The following RAP1GAP variants were observed in gnomAD, a reference collection of about 807,000 sequenced individuals.
RAP1GAP encodes RAP1 GTPase activating protein, also known as rap1 GTPase-activating protein 1.
In RAP1GAP, 35 loss-of-function variants were observed where a neutral mutation model predicts 87.2. The ratio of observed to expected loss-of-function variants is 0.40; its 90% CI spans 0.31 to 0.53. The LOEUF is 0.53. Ranked by LOEUF, RAP1GAP falls within the 20% of genes least tolerant of loss-of-function variation. RAP1GAP has a pLI of 0.48. For missense variants in RAP1GAP, 734 were observed against 898.9 expected, an observed-to-expected ratio of 0.82 and a Z score of 2.35; for synonymous variants, 375 against 363.9, an observed-to-expected ratio of 1.03 and a Z score of -0.35.
Position 21,668,349 on chromosome 1 carries a change from T to G in RAP1GAP, c.-149+905A>C, listed in dbSNP as rs1571604155. Among the ~76,000 whole-genome samples the G allele has an allele frequency of 6.6e-6, 1 of 152,092 alleles. No homozygotes were observed. Among genetic ancestry groups the G allele is most frequent in the East Asian group, 1.9e-4 (1 of 5,178 alleles). ...CCGCCCCAGGGGCCTGACCTCTGACTTGGCAGGGAGGGGAATGGAGCCCGG... is the reference window on the plus strand; with the variant it reads ...CCGCCCCAGGGGCCTGACCTCTGACGTGGCAGGGAGGGGAATGGAGCCCGG... On this transcript the variant is annotated intron_variant, in intron 1 of 24. Transcript: ENST00000374765. The surrounding 1 kb of genome is among the most constrained non-coding windows in gnomAD (Gnocchi z 6.2).
intron 1 of RAP1GAP, chr1:21,651,727 T>TGCACAC (rs1197000280): frequency 3.6e-6 from 4 of 1,097,024 alleles, no homozygotes; most frequent in East Asian, 3.1e-5. Flanking sequence ...CCCCCACGCG[T>TGCACAC]GCACACGCAC....
chr1:21,639,176 A>G (rs145041582), intron 2 of RAP1GAP, among the ~76,000 whole-genome samples: 2 of 152,360 alleles, frequency 1.3e-5, no homozygotes, highest in South Asian at 2.1e-4. Context: ...CGCGGGCTCC[A>G]TGCCCTGAGC....
At chr1:21,610,630 G>A (rs1029697653) in intron 13 of RAP1GAP, among the ~76,000 whole-genome samples, 6 of 152,100 alleles carry the variant, frequency 3.9e-5, no homozygotes, top group African/African-American at 7.2e-5. Context: ...TATCAAGGCC[G>A]AGAGAAGTGA....
intron 1 of RAP1GAP, among the ~76,000 whole-genome samples, chr1:21,666,618 G>C (rs2097357974): frequency 6.6e-6 from 1 of 152,172 alleles, no homozygotes; most frequent in African/African-American, 2.4e-5. Flanking sequence ...GGGAGGAAGG[G>C]GAGGCTTTGC....
intron 7 of RAP1GAP, 102 bp downstream of exon 7, chr1:21,617,204 C>T: frequency 7.4e-7 from 1 of 1,344,272 alleles, no homozygotes; most frequent in Non-Finnish European, 1.0e-6. Context: ...GGACTGTCAC[C>T]CAGCCCTGGC....
chr1:21,600,633 T>A (rs1031498633), intron 20 of RAP1GAP, among the ~76,000 whole-genome samples: 1 of 152,108 alleles, frequency 6.6e-6, no homozygotes, highest in Non-Finnish European at 1.5e-5. Context: ...ACGCCTGTAA[T>A]CCCAGCACTT....
chr1:21,618,918 T>C, intron 5 of RAP1GAP, 107 bp downstream of exon 5: 12 of 1,289,162 alleles, frequency 9.3e-6, no homozygotes, highest in Non-Finnish European at 1.3e-5. Flanking sequence ...ACTGTAAGAC[T>C]ACTTGCTGAA....
chr1:21,625,688 G>A (rs2150223080), intron 3 of RAP1GAP, among the ~76,000 whole-genome samples: 1 of 152,306 alleles, frequency 6.6e-6, no homozygotes, highest in African/African-American at 2.4e-5. Flanking sequence ...AATATTAGAG[G>A]TTATTTCTGC....
rs199613456 is a variant in RAP1GAP, at chr1:21,597,708, G to C, written c.*12C>G. 4.3e-6 allele frequency: 7 copies of C among 1,613,340 alleles called. No individual in the cohort carries two copies. Among genetic ancestry groups the C allele is most frequent in the East Asian group, 2.2e-5 (1 of 44,872 alleles). ...AACCTGCTCAGTTTCACCTTCAGAGGGGGTGGCCCGGCTAACAGCCCTGCA... is the reference window on the plus strand; with the variant it reads ...AACCTGCTCAGTTTCACCTTCAGAGCGGGTGGCCCGGCTAACAGCCCTGCA... On this transcript the variant is annotated 3_prime_UTR_variant, in exon 24 of 25. Transcript: ENST00000374765.
rs34097078 is a variant in RAP1GAP at position 21,609,391 on chromosome 1, G to GA, written c.1071+183dup. Among the ~76,000 whole-genome samples, 153 of 140,820 alleles carry GA rather than the reference G, an allele frequency of 1.1e-3. No individual in the cohort carries two copies. Among genetic ancestry groups the GA allele is most frequent in the Middle Eastern group, 3.7e-3 (1 of 272 alleles). The allele number at this position is 140,820 out of a possible 152,430, so 92.4% of individuals were successfully genotyped here. A position where few individuals can be genotyped will look rare whatever the true frequency, so the allele number is the denominator to read the frequency against. On this transcript the variant is annotated intron_variant, in intron 15 of 24. Transcript: ENST00000374765. The surrounding 1 kb of genome is among the most constrained non-coding windows in gnomAD (Gnocchi z 4.4). ...CGTGTAGTTTATCCTGTGACCTTGT[G>GA]AAAAAAAAAAAAAAGGTGTTTTCAA...
chr1:21,612,213 G>A (rs751225915), intron 10 of RAP1GAP, 104 bp from the exon 11 acceptor site: 4 of 854,502 alleles, frequency 4.7e-6, no homozygotes, highest in South Asian at 1.5e-5. Context: ...CACACGTCAC[G>A]TCATGTGATT....
chr1:21,632,623 G>T (rs1353696598), intron 2 of RAP1GAP, among the ~76,000 whole-genome samples: 1 of 152,226 alleles, frequency 6.6e-6, no homozygotes, highest in East Asian at 1.9e-4. Flanking sequence ...GGTCAGCCCA[G>T]GCTCAGTGGT....
intron 13 of RAP1GAP, 49 bp from the exon 14 acceptor site, chr1:21,610,324 G>A (rs1289152694): frequency 3.1e-6 from 5 of 1,603,080 alleles, no homozygotes; most frequent in Non-Finnish European, 4.3e-6. Context: ...GGGGGCCCAT[G>A]GGGGAGAGGG....
rs1311184708 is a variant in RAP1GAP at position 21,615,593 on chromosome 1, T to C, written c.292-1504A>G. ...TTTTGTTAGAGATGGGGTTCTGCCA[T>C]GTTGCTCAGGCTGGTCTTGAACTTC... On this transcript the variant is annotated intron_variant, in intron 7 of 24. Coordinates refer to ENST00000374765, the MANE Select transcript of RAP1GAP (RefSeq NM_002885.4). The surrounding 1 kb of genome is among the most constrained non-coding windows in gnomAD (Gnocchi z 4.5). Among the ~76,000 whole-genome samples, 2 of 152,154 alleles carry C rather than the reference T, an allele frequency of 1.3e-5. No individual in the cohort carries two copies. Among genetic ancestry groups the C allele is most frequent in the Non-Finnish European group, 2.9e-5 (2 of 68,032 alleles).
intron 18 of RAP1GAP, among the ~76,000 whole-genome samples, chr1:21,604,884 G>GA (rs1475254095): frequency 1.4e-5 from 2 of 147,266 alleles, no homozygotes; most frequent in Non-Finnish European, 3.0e-5. Flanking sequence ...TGGATGGATG[G>GA]ATGGGTGGAT....
At chr1:21,611,266 T>C (rs1420022369) in intron 13 of RAP1GAP, among the ~76,000 whole-genome samples, 186 bp downstream of exon 13, 1 of 152,184 alleles carries the variant, frequency 6.6e-6, no homozygotes, top group Admixed American at 6.5e-5. Flanking sequence ...GTGGGTGCCA[T>C]TCTGACTGTA....
At chr1:21,658,290 G>A (rs2096943972) in intron 1 of RAP1GAP, among the ~76,000 whole-genome samples, 4 of 152,162 alleles carry the variant, frequency 2.6e-5, no homozygotes, top group African/African-American at 2.4e-5. Context: ...AGGGTAGGCC[G>A]GGCTCAGTGG....
At chr1:21,612,997 G>A in intron 10 of RAP1GAP, 179 bp downstream of exon 10, 2 of 681,060 alleles carry the variant, frequency 2.9e-6, no homozygotes, top group Non-Finnish European at 5.2e-6. Context: ...CACCCTGGGG[G>A]AAGGCACAGG....
At chr1:21,612,571 A>G (rs2079067554) in intron 10 of RAP1GAP, among the ~76,000 whole-genome samples, 1 of 151,974 alleles carries the variant, frequency 6.6e-6, no homozygotes. Context: ...CCTCTCCCAT[A>G]AGCAGGAGGG....
Sources: allele counts gnomAD v4.1 joint callset (sites outside exome capture counted in the v4.1 genomes callset), GRCh38; gene constraint gnomAD v4.1.1; non-coding constraint Gnocchi (gnomAD v3.1); transcripts MANE v1.5; gene names NCBI Gene and HGNC (gene_info 2026-07-23, HGNC 2026-07-21).